The following CFAP46 variants were observed in gnomAD, a reference collection of about 807,000 sequenced individuals.
CFAP46 encodes cilia- and flagella-associated protein 46.
Under a neutral mutation model 325.7 loss-of-function variants are expected in CFAP46, and 245 were observed. That is an observed-to-expected ratio of 0.75 (90% CI 0.68 to 0.84). The LOEUF is 0.84. CFAP46 is among the 40% of genes least tolerant of loss of function. The probability of loss-of-function intolerance (pLI) is 0.00; values close to 1 mark genes in which losing one functional copy is unlikely to be tolerated. For synonymous variants in CFAP46, 1,523 were observed against 1,495.9 expected, an observed-to-expected ratio of 1.02 and a Z score of -0.42; for missense variants, 3,346 against 3,543.0, an observed-to-expected ratio of 0.94 and a Z score of 1.41.
At chr10:132,900,297 C>T (rs1014531781) in intron 22 of CFAP46, among the ~76,000 whole-genome samples, 8 of 152,218 alleles carry the variant, frequency 5.3e-5, no homozygotes, top group African/African-American at 1.7e-4. Flanking sequence ...CAGGTGCACA[C>T]TCCTGGGTGT....
In CFAP46 at chr10:132,919,037, C is replaced by T. The variant is rs1849679849; in HGVS notation, c.1858+278G>A. Among the ~76,000 whole-genome samples the T allele has an allele frequency of 6.6e-6, 1 of 152,232 alleles. No individual in the cohort carries two copies. The highest frequency in any genetic ancestry group is 1.5e-5 in the Non-Finnish European group (1 of 68,040). ...GGTGCCCCGCATGGGCATCTGCTCA[C>T]TGGCTGTGGTGGCCCCTGCCTGAGC... On this transcript the variant is annotated intron_variant, in intron 15 of 57. Transcript: ENST00000368586. The surrounding 1 kb of genome is among the most constrained non-coding windows in gnomAD (Gnocchi z 9.7).
chr10:132,901,863 T>C (rs965253209), intron 22 of CFAP46, among the ~76,000 whole-genome samples: 1 of 152,262 alleles, frequency 6.6e-6, no homozygotes, highest in Non-Finnish European at 1.5e-5. Context: ...TATAGAATTC[T>C]AGACTGACAG....
intron 32 of CFAP46, chr10:132,872,407 C>T (rs1196945869): frequency 1.7e-5 from 7 of 412,860 alleles, no homozygotes; most frequent in South Asian, 2.1e-5. Flanking sequence ...GTGTGTGTCA[C>T]CATACCTGGC....
intron 7 of CFAP46, among the ~76,000 whole-genome samples, chr10:132,935,828 TCGG>T (rs1302085017): frequency 3.3e-5 from 3 of 92,164 alleles, no homozygotes; most frequent in Non-Finnish European, 4.4e-5. Context: ...CTCACTCCCC[TCGG>T]CACCCAAACA....
At chr10:132,929,541 G>A (rs759032961) in intron 9 of CFAP46, 164 bp downstream of exon 9, 6 of 796,652 alleles carry the variant, frequency 7.5e-6, no homozygotes, top group Non-Finnish European at 1.4e-5. Context: ...CCATCTAACT[G>A]CAACTGTGCA....
In CFAP46 at chr10:132,912,662, G is replaced by T; in HGVS notation, c.2492C>A (p.Ala831Glu). Reference sequence around the variant, plus strand: ...GCATCATGGAGGTGGTACCTCCACCGCTGTTTTGATCTCGGAAGTGGCTCC... The same window carrying T: ...GCATCATGGAGGTGGTACCTCCACCTCTGTTTTGATCTCGGAAGTGGCTCC... ...DAGATSEIKT[A>E]VEVCEFALNL... The change falls in exon 19 of 58, where the codon GCG becomes GAG. Residue 831 changes from alanine (A) to glutamate (E), a missense_variant. Coordinates refer to ENST00000368586, the MANE Select transcript of CFAP46 (RefSeq NM_001200049.3). 3 of 1,540,168 alleles carry T rather than the reference G, an allele frequency of 1.9e-6. No homozygotes were observed. Among genetic ancestry groups the T allele is most frequent in the Non-Finnish European group, 2.6e-6 (3 of 1,143,102 alleles).
In CFAP46 at chr10:132,867,905, G is replaced by A. The variant is rs552436844; in HGVS notation, c.4611-398C>T. Among the ~76,000 whole-genome samples the A allele has an allele frequency of 6.0e-3, 914 of 152,320 alleles. 6 individuals are homozygous for A. Among genetic ancestry groups the A allele is most frequent in the Non-Finnish European group, 9.7e-3 (660 of 68,008 alleles). On this transcript the variant is annotated intron_variant, in intron 33 of 57. Coordinates refer to ENST00000368586, the MANE Select transcript of CFAP46 (RefSeq NM_001200049.3). ...GGCCTTCCCACGGGGTCTTCAAGGT[G>A]TCTGCTACCTTCCCCTTCGCTGCTC...
rs536430295 is a variant in CFAP46 at position 132,827,964 on chromosome 10, G to A, written c.7117+5394C>T. 3.1e-4 allele frequency among the ~76,000 whole-genome samples: 47 copies of A among 150,710 alleles called. No individual in the cohort carries two copies. Among genetic ancestry groups the A allele is most frequent in the Non-Finnish European group, 4.4e-4 (30 of 67,914 alleles). On this transcript the variant is annotated intron_variant, in intron 50 of 57. Coordinates refer to ENST00000368586, the MANE Select transcript of CFAP46 (RefSeq NM_001200049.3). This position sits in a 1 kb window ranked among gnomAD's most constrained non-coding sequence, Gnocchi z 5.7. ...GGCGTAATCCTTCTGAGTGAGCCCC[G>A]TCACCCCTCAGCGTAATCCTTCTGA... is the stretch of plus-strand genomic sequence containing the variant.
rs1250499921 is a variant in CFAP46 at position 132,913,272 on chromosome 10, A to C, written c.2121-14T>G. 1 of 1,526,562 alleles carries C rather than the reference A, an allele frequency of 6.6e-7. No homozygotes were observed. Among genetic ancestry groups the C allele is most frequent in the South Asian group, 1.2e-5 (1 of 83,752 alleles). The allele number at this position is 1,526,562 out of a possible 1,614,324, so 94.6% of individuals were successfully genotyped here. A position where few individuals can be genotyped will look rare whatever the true frequency, so the allele number is the denominator to read the frequency against. Reference sequence around the variant, plus strand: ...TCGATCCAGGTTCTGCAAAACGAGCACCACCAAGCCCTTAATGCAGGGTCC... The same window carrying C: ...TCGATCCAGGTTCTGCAAAACGAGCCCCACCAAGCCCTTAATGCAGGGTCC... On this transcript the variant is annotated splice_polypyrimidine_tract_variant and intron_variant, in intron 17 of 57. Coordinates refer to ENST00000368586, the MANE Select transcript of CFAP46 (RefSeq NM_001200049.3).
rs370013202 is a variant in CFAP46 at position 132,808,607 on chromosome 10, C to T, written c.7962G>A (p.Ala2654=). ...GAASARDPPP[A]TSRKAAAWTS... is the part of the protein sequence containing the mutation. Reference sequence around the variant, plus strand: ...TCCAGGCGGCTGCCTTGCGGGAAGTCGCTGGGGGAGGGTCCCTGGCTGAGG... The same window carrying T: ...TCCAGGCGGCTGCCTTGCGGGAAGTTGCTGGGGGAGGGTCCCTGGCTGAGG... Residue 2654 remains alanine, a synonymous_variant, in exon 58 of 58, where the codon GCG becomes GCA. Transcript: ENST00000368586. The surrounding 1 kb of genome is among the most constrained non-coding windows in gnomAD (Gnocchi z 6.8). The T allele has an allele frequency of 8.1e-6, 13 of 1,611,906 alleles. No individual in the cohort carries two copies. Among genetic ancestry groups the T allele is most frequent in the Admixed American group, 1.7e-5 (1 of 59,886 alleles).
chr10:132,812,682 G>A lies in CFAP46; in HGVS notation c.7501+103C>T, dbSNP rs1298848022. On this transcript the variant is annotated intron_variant, in intron 55 of 57. Coordinates refer to ENST00000368586, the MANE Select transcript of CFAP46 (RefSeq NM_001200049.3). Reference sequence around the variant, plus strand: ...GGGGCAGGAGGGGGCTGCGGCCACAGGGGGTGGGGGCAGCACCAGCAGGTG... The same window carrying A: ...GGGGCAGGAGGGGGCTGCGGCCACAAGGGGTGGGGGCAGCACCAGCAGGTG... 8.8e-6 allele frequency: 7 copies of A among 795,540 alleles called. No individual in the cohort carries two copies. In the African/African-American group the frequency reaches 1.2e-4, roughly 13 times the overall value. 49.3% of individuals were successfully genotyped at this position (795,540 alleles called of 1,614,324 possible).
At chr10:132,859,941 G>A (rs1848699680) in intron 37 of CFAP46, among the ~76,000 whole-genome samples, 1 of 152,220 alleles carries the variant, frequency 6.6e-6, no homozygotes, top group Non-Finnish European at 1.5e-5. Context: ...TGTAATCCCA[G>A]CAACTCGGGA....
chr10:132,919,912 C>T lies in CFAP46; in HGVS notation c.1730+147G>A. Reference sequence around the variant, plus strand: ...TGTGGCGGGACTCCCAGGCAGGGACCTCGTCCCACCATCCTGGAGCAGGTG... The same window carrying T: ...TGTGGCGGGACTCCCAGGCAGGGACTTCGTCCCACCATCCTGGAGCAGGTG... On this transcript the variant is annotated intron_variant, in intron 14 of 57. Coordinates refer to ENST00000368586, the MANE Select transcript of CFAP46 (RefSeq NM_001200049.3). The surrounding 1 kb of genome is among the most constrained non-coding windows in gnomAD (Gnocchi z 9.7). 8.9e-7 allele frequency: 1 copy of T among 1,126,542 alleles called. No homozygotes were observed. The highest frequency in any genetic ancestry group is 1.2e-6 in the Non-Finnish European group (1 of 835,246). 69.8% of individuals were successfully genotyped at this position (1,126,542 alleles called of 1,614,324 possible).
In CFAP46 at chr10:132,846,912, T is replaced by A. The variant is rs567261876; in HGVS notation, c.6267+20A>T. On this transcript the variant is annotated intron_variant, in intron 43 of 57. Coordinates refer to ENST00000368586, the MANE Select transcript of CFAP46 (RefSeq NM_001200049.3). Reference sequence around the variant, plus strand: ...CCTCCATGAAGGGCCTGGCTGGAGGTGGGCAGGGCAGAGACACACCTGAGA... The same window carrying A: ...CCTCCATGAAGGGCCTGGCTGGAGGAGGGCAGGGCAGAGACACACCTGAGA... 28 of 1,593,006 alleles carry A rather than the reference T, an allele frequency of 1.8e-5. No homozygotes were observed. In the East Asian group the frequency reaches 5.6e-4, roughly 32 times the overall value.
chr10:132,892,269 T>C (rs1004923656), intron 25 of CFAP46, 64 bp downstream of exon 25: 4 of 1,457,142 alleles, frequency 2.7e-6, no homozygotes, highest in African/African-American at 1.4e-5. Context: ...ACGTTTAAAA[T>C]TGGCTCAAGT....
chr10:132,939,777 C>T lies in CFAP46; in HGVS notation c.372-1024G>A, dbSNP rs1850069017. Among the ~76,000 whole-genome samples the T allele has an allele frequency of 6.6e-6, 1 of 152,286 alleles. No homozygotes were observed. On this transcript the variant is annotated intron_variant, in intron 4 of 57. Transcript: ENST00000368586. The surrounding 1 kb of genome is among the most constrained non-coding windows in gnomAD (Gnocchi z 4.6). ...GAGTGCTGCGTCTCCCTGAGTGCTG[C>T]GTCTCGAAAGGAACCCGTCTCCTCC... is the stretch of plus-strand genomic sequence containing the variant.
intron 55 of CFAP46, among the ~76,000 whole-genome samples, chr10:132,811,350 GCCTGGACAC>G (rs1847578590): frequency 6.6e-6 from 1 of 152,168 alleles, no homozygotes; most frequent in Admixed American, 6.5e-5. Context: ...CCCCCACCAT[GCCTGGACAC>G]CCTGGCACCC....
chr10:132,870,043 C>G (rs770154298), intron 32 of CFAP46, among the ~76,000 whole-genome samples: 1 of 152,210 alleles, frequency 6.6e-6, no homozygotes, highest in South Asian at 2.1e-4. Context: ...CTCGGTGTCT[C>G]TGTGTCACAT....
intron 35 of CFAP46, among the ~76,000 whole-genome samples, chr10:132,865,239 G>A (rs904168411): frequency 2.6e-5 from 4 of 152,200 alleles, no homozygotes; most frequent in Admixed American, 6.5e-5. Context: ...ACTACACTCT[G>A]CACAGAGAAA....
Sources: allele counts gnomAD v4.1 joint callset (sites outside exome capture counted in the v4.1 genomes callset), GRCh38; gene constraint gnomAD v4.1.1; non-coding constraint Gnocchi (gnomAD v3.1); transcripts MANE v1.5; gene names NCBI Gene and HGNC (gene_info 2026-07-23, HGNC 2026-07-21).